GRK1: variants seen among roughly 807,000 people sequenced by gnomAD.
The protein encoded by GRK1 is G protein-coupled receptor kinase 1, also known as rhodopsin kinase GRK1.
GRK1 carries 28 observed loss-of-function variants against 41.7 expected under a neutral mutation model. The ratio of observed to expected loss-of-function variants is 0.67; its 90% CI spans 0.50 to 0.92. The LOEUF is 0.92. Among genes scored for constraint, GRK1 ranks in the 40% least tolerant of loss-of-function variants. The probability of loss-of-function intolerance (pLI) is 0.00; values close to 1 mark genes in which losing one functional copy is unlikely to be tolerated. For missense variants in GRK1, 703 were observed against 671.2 expected, an observed-to-expected ratio of 1.05 and a Z score of -0.52; for synonymous variants, 327 against 286.7, an observed-to-expected ratio of 1.14 and a Z score of -1.42.
At chr13:113,666,350 C>G (rs559378957), upstream of GRK1, among the ~76,000 whole-genome samples, 210 of 146,478 alleles carry the variant, frequency 1.4e-3, no homozygotes, top group African/African-American at 5.0e-3. Context: ...CAGGTGTGTT[C>G]CAGGTGTTCA....
intron 4 of GRK1, 87 bp downstream of exon 4, chr13:113,723,244 A>G (rs978702332): frequency 4.8e-6 from 3 of 620,884 alleles, no homozygotes; most frequent in Non-Finnish European, 9.1e-6. Context: ...TTGCACATAC[A>G]TGTGAGTTTG....
In GRK1 at chr13:113,733,715, A is replaced by G. The variant is rs531591121; in HGVS notation, c.1396+630A>G. Among the ~76,000 whole-genome samples, 190 of 97,020 alleles carry G rather than the reference A, an allele frequency of 2.0e-3. 7 individuals are homozygous for G. In the South Asian group the frequency reaches 0.023, roughly 12 times the overall value. 63.6% of individuals were successfully genotyped at this position (97,020 alleles called of 152,430 possible). ...TGCATACATGTGTGCGTGTGTGCGCACGTGTGTGTGCGCGCGTGTGTATGT... is the reference window on the plus strand; with the variant it reads ...TGCATACATGTGTGCGTGTGTGCGCGCGTGTGTGTGCGCGCGTGTGTATGT... On this transcript the variant is annotated intron_variant, in intron 6 of 6. Coordinates refer to ENST00000335678, the MANE Select transcript of GRK1 (RefSeq NM_002929.3).
chr13:113,662,153 G>C, the GRK1 span, among the ~76,000 whole-genome samples: 7 of 152,188 alleles, frequency 4.6e-5, no homozygotes, highest in Admixed American at 3.3e-4. Context: ...GGAATGCAAG[G>C]CTGGTTCAGT....
At chr13:113,733,524 TGTGCGCGTGTGTGCATGC>T (rs2049954373) in intron 6 of GRK1, among the ~76,000 whole-genome samples, 5 of 149,484 alleles carry the variant, frequency 3.3e-5, no homozygotes, top group Admixed American at 1.3e-4. Flanking sequence ...TGTGTGCATG[TGTGCGCGTGTGTGCATGC>T]GTGTGCGCGC....
At chr13:113,656,885 C>T in the GRK1 span, among the ~76,000 whole-genome samples, 2 of 152,126 alleles carry the variant, frequency 1.3e-5, no homozygotes, top group African/African-American at 4.8e-5. Flanking sequence ...TGGCCGGCAG[C>T]CCCCAGCCCA....
intron 3 of GRK1, among the ~76,000 whole-genome samples, chr13:113,672,391 T>C (rs1316921706): frequency 2.3e-3 from 2 of 874 alleles, no homozygotes; most frequent in Non-Finnish European, 6.4e-3. Context: ...GTATGTGTGG[T>C]ATTGTGTGTG....
At chr13:113,727,922 G>A (rs1284458906) in intron 4 of GRK1, among the ~76,000 whole-genome samples, 98 of 89,656 alleles carry the variant, frequency 1.1e-3, no homozygotes, top group African/African-American at 3.9e-3. Context: ...TACCCATGGC[G>A]ATGAGGAGTA....
chr13:113,733,240 C>T (rs896286631), intron 6 of GRK1, 155 bp downstream of exon 6: 22 of 241,654 alleles, frequency 9.1e-5, no homozygotes, highest in Non-Finnish European at 1.3e-4. Flanking sequence ...CAGTCCTCCA[C>T]TCATCATCCC....
the GRK1 span, chr13:113,654,712 T>G: frequency 1.4e-6 from 2 of 1,479,428 alleles, no homozygotes; most frequent in Non-Finnish European, 1.8e-6. Flanking sequence ...TTCCCTGGGC[T>G]TCATTTCTGG....
chr13:113,655,457 C>A, the GRK1 span, among the ~76,000 whole-genome samples: 1 of 152,194 alleles, frequency 6.6e-6, no homozygotes, highest in Non-Finnish European at 1.5e-5. Flanking sequence ...GGAGATGGCT[C>A]TTCTCAGAAG....
chr13:113,660,604 C>T, the GRK1 span, among the ~76,000 whole-genome samples: 2 of 152,198 alleles, frequency 1.3e-5, no homozygotes, highest in Non-Finnish European at 2.9e-5. Flanking sequence ...TTGGCTCATG[C>T]CTGTTATCCC....
At chr13:113,662,106 A>G in the GRK1 span, among the ~76,000 whole-genome samples, 1 of 152,262 alleles carries the variant, frequency 6.6e-6, no homozygotes, top group Non-Finnish European at 1.5e-5. Context: ...AACAAAGTAT[A>G]AAAAGCAAAT....
At chr13:113,662,556 A>T (rs1453914658), upstream of GRK1, among the ~76,000 whole-genome samples, 1 of 152,258 alleles carries the variant, frequency 6.6e-6, no homozygotes, top group Non-Finnish European at 1.5e-5. Context: ...AATCTCAAAG[A>T]ATCCATAACA....
rs2049855470 is a variant in GRK1, at chr13:113,671,360, C to T, written c.828-139C>T. The stretch of plus-strand genomic sequence containing the variant: ...CACCATGGCCTTCGGGTGTCCTCTG[C>T]AGGGACGTAGGGGGGCCAGGCCTCA... On this transcript the variant is annotated intron_variant, in intron 2 of 6. Transcript: ENST00000335678. The surrounding 1 kb of genome is among the most constrained non-coding windows in gnomAD (Gnocchi z 4.1). 3 of 672,944 alleles carry T rather than the reference C, an allele frequency of 4.5e-6. No homozygotes were observed. In the South Asian group the frequency reaches 4.9e-5, roughly 11 times the overall value. 41.7% of individuals were successfully genotyped at this position (672,944 alleles called of 1,614,324 possible).
Position 113,735,444 on chromosome 13 carries a change from G to T in GRK1, c.*81G>T. ...GCCTGCCTCCGTGGTGCCAGCCTGG[G>T]GTCTGCTAGCAAGGGGACACGTGGT... On this transcript the variant is annotated 3_prime_UTR_variant, in exon 7 of 7. Transcript: ENST00000335678. The T allele has an allele frequency of 7.2e-7, 1 of 1,396,184 alleles. No homozygotes were observed. Among genetic ancestry groups the T allele is most frequent in the South Asian group, 1.6e-5 (1 of 64,440 alleles). The allele number at this position is 1,396,184 out of a possible 1,614,324, so 86.5% of individuals were successfully genotyped here.
At position 113,671,275 on chromosome 13, in the gene GRK1, A is replaced by G. The variant is rs2049855012; in HGVS notation, c.828-224A>G. On this transcript the variant is annotated intron_variant, in intron 2 of 6. Transcript: ENST00000335678. The surrounding 1 kb of genome is among the most constrained non-coding windows in gnomAD (Gnocchi z 4.1). ...AGGCGGACAGGAGACGCACGTGGAC[A>G]GCACTTTCTCCCTGTTAGCAGTTGG... Among the ~76,000 whole-genome samples, 2 of 152,180 alleles carry G rather than the reference A, an allele frequency of 1.3e-5. No individual in the cohort carries two copies. Among genetic ancestry groups the G allele is most frequent in the Non-Finnish European group, 2.9e-5 (2 of 68,028 alleles).
At position 113,671,682 on chromosome 13, in the gene GRK1, G is replaced by C. The variant is rs2049859247; in HGVS notation, c.985+26G>C. The C allele has an allele frequency of 4.1e-6, 3 of 729,654 alleles. No homozygotes were observed. The Admixed American group carries it at 5.7e-5, about 14-fold the overall frequency. The allele number at this position is 729,654 out of a possible 1,614,324, so 45.2% of individuals were successfully genotyped here. On this transcript the variant is annotated intron_variant, in intron 3 of 6. Transcript: ENST00000335678. The surrounding 1 kb of genome is among the most constrained non-coding windows in gnomAD (Gnocchi z 4.1). ...GTAGGAGGTGCCCTCGGCTGGGAGG[G>C]ATGAGGGCTACGAGGAGGGCGGGGC...
intron 4 of GRK1, among the ~76,000 whole-genome samples, chr13:113,730,007 T>C (rs1356477800): frequency 1.6e-5 from 2 of 124,860 alleles, no homozygotes; most frequent in African/African-American, 3.1e-5. Context: ...CCCAGACCCG[T>C]CCCTTCATCC....
intron 4 of GRK1, among the ~76,000 whole-genome samples, chr13:113,729,649 G>A (rs1015959706): frequency 6.6e-6 from 1 of 152,198 alleles, no homozygotes; most frequent in Non-Finnish European, 1.5e-5. Flanking sequence ...TCCGTGCAAA[G>A]GTGACCTTGG....
Sources: gnomAD v4.1 joint callset for allele counts (sites outside exome capture counted in the v4.1 genomes callset) on GRCh38, gnomAD v4.1.1 for gene constraint, Gnocchi (gnomAD v3.1) non-coding constraint, MANE v1.5 for transcripts, NCBI Gene and HGNC (gene_info 2026-07-23, HGNC 2026-07-21) for gene names.